The following CUL3 variants were observed in gnomAD, a reference collection of about 807,000 sequenced individuals.
The protein encoded by CUL3 is cullin 3.
A neutral mutation model predicts 89.1 loss-of-function variants in CUL3; 19 were observed. The observed-to-expected ratio is 0.21, with a 90% CI of 0.15 to 0.31. CUL3 has a LOEUF of 0.31. Among genes scored for constraint, CUL3 ranks in the 10% least tolerant of loss-of-function variants. The probability of loss-of-function intolerance (pLI) is 1.00; values close to 1 mark genes in which losing one functional copy is unlikely to be tolerated. For missense variants in CUL3, 469 were observed against 942.3 expected, an observed-to-expected ratio of 0.50 and a Z score of 6.58; for synonymous variants, 351 against 308.4, an observed-to-expected ratio of 1.14 and a Z score of -1.45.
rs544531630 is a variant in CUL3 at position 224,473,899 on chromosome 2, C to T, written c.*346G>A. 8.8e-6 allele frequency: 2 copies of T among 227,946 alleles called. No individual in the cohort carries two copies. The highest frequency in any genetic ancestry group is 1.7e-5 in the Non-Finnish European group (2 of 114,640). 14.1% of individuals were successfully genotyped at this position (227,946 alleles called of 1,614,324 possible). A position where few individuals can be genotyped will look rare whatever the true frequency, so the allele number is the denominator to read the frequency against. On this transcript the variant is annotated 3_prime_UTR_variant, in exon 16 of 16. Transcript: ENST00000264414. ...AACACATTTACATCAACACTGAAGACCTGGGGAAATGAAATCCAACAATTT... is the reference window on the plus strand; with the variant it reads ...AACACATTTACATCAACACTGAAGATCTGGGGAAATGAAATCCAACAATTT...
At chr2:224,503,322 G>A (rs190379551) in intron 9 of CUL3, among the ~76,000 whole-genome samples, 2 of 152,276 alleles carry the variant, frequency 1.3e-5, no homozygotes, top group African/African-American at 4.8e-5. Flanking sequence ...TAGCATCTCA[G>A]GTGATTCACG....
chr2:224,471,627 C>G lies in CUL3; in HGVS notation c.*2618G>C. 1 of 211,004 alleles carries G rather than the reference C, an allele frequency of 4.7e-6. No homozygotes were observed. The highest frequency in any genetic ancestry group is 9.6e-6 in the Non-Finnish European group (1 of 104,008). The allele number at this position is 211,004 out of a possible 1,614,324, so 13.1% of individuals were successfully genotyped here. On this transcript the variant is annotated 3_prime_UTR_variant, in exon 16 of 16. Transcript: ENST00000264414. ...TCTAGCATACCTTTAGAAAGGCATG[C>G]ATCTCTTCCCCCATTCCCTTTTTAA... is the stretch of plus-strand genomic sequence containing the variant.
At chr2:224,580,746 T>G (rs1005782718) in intron 1 of CUL3, among the ~76,000 whole-genome samples, 1 of 152,220 alleles carries the variant, frequency 6.6e-6, no homozygotes, top group South Asian at 2.1e-4. Context: ...GATGGGAATT[T>G]ATCTGGAGTA....
intron 1 of CUL3, among the ~76,000 whole-genome samples, chr2:224,574,298 T>G (rs977142644): frequency 6.6e-6 from 1 of 152,168 alleles, no homozygotes; most frequent in South Asian, 2.1e-4. Flanking sequence ...AAGTTTTGCT[T>G]AGTTACATTT....
intron 6 of CUL3, among the ~76,000 whole-genome samples, chr2:224,509,878 G>T (rs1448803491): frequency 6.6e-6 from 1 of 152,238 alleles, no homozygotes; most frequent in African/African-American, 2.4e-5. Flanking sequence ...AGACCACTTA[G>T]AGAAGGGTCA....
chr2:224,563,287 A>G (rs1409612809), intron 1 of CUL3: 3 of 471,018 alleles, frequency 6.4e-6, no homozygotes, highest in Admixed American at 2.3e-5. Flanking sequence ...TTTCACCCTG[A>G]GAACTCTGTC....
intron 11 of CUL3, chr2:224,499,483 T>C: frequency 4.2e-6 from 1 of 238,790 alleles, no homozygotes; most frequent in Non-Finnish European, 9.4e-6. Flanking sequence ...TCCCAGTTGT[T>C]TTTTCAGATC....
intron 2 of CUL3, among the ~76,000 whole-genome samples, chr2:224,544,397 G>A (rs1464870928): frequency 6.6e-6 from 1 of 152,034 alleles, no homozygotes; most frequent in Non-Finnish European, 1.5e-5. Context: ...CATTTACTAT[G>A]ACCTACAAAA....
At chr2:224,528,949 T>C (rs150930103) in intron 3 of CUL3, among the ~76,000 whole-genome samples, 5 of 152,262 alleles carry the variant, frequency 3.3e-5, no homozygotes, top group Non-Finnish European at 7.4e-5. Flanking sequence ...AAAAATACCT[T>C]TGAAATTCTC....
At chr2:224,478,105 A>T (rs2106141762) in intron 15 of CUL3, 95 bp downstream of exon 15, 6 of 1,291,640 alleles carry the variant, frequency 4.6e-6, no homozygotes, top group Non-Finnish European at 6.3e-6. Flanking sequence ...GGATTTCTTA[A>T]TTGTAAAATT....
chr2:224,522,793 A>C (rs1370239191), intron 3 of CUL3, among the ~76,000 whole-genome samples: 1 of 147,782 alleles, frequency 6.8e-6, no homozygotes, highest in Non-Finnish European at 1.5e-5. Context: ...CTGCCACTGC[A>C]CTCCAGCCTG....
intron 13 of CUL3, among the ~76,000 whole-genome samples, chr2:224,487,561 T>C (rs1332639584): frequency 1.3e-5 from 2 of 150,074 alleles, no homozygotes; most frequent in Non-Finnish European, 3.0e-5. Flanking sequence ...CTAACTATCC[T>C]AAATATATAT....
chr2:224,561,548 G>C (rs1559227124), intron 1 of CUL3, among the ~76,000 whole-genome samples: 1 of 152,112 alleles, frequency 6.6e-6, no homozygotes, highest in Non-Finnish European at 1.5e-5. Flanking sequence ...TTGTTATTCT[G>C]ATCTTTTCTG....
intron 10 of CUL3, 122 bp from the exon 11 acceptor site, chr2:224,500,609 A>T (rs1692346099): frequency 4.0e-5 from 37 of 934,694 alleles, no homozygotes; most frequent in Non-Finnish European, 5.4e-5. Flanking sequence ...TAATTTAAAA[A>T]AAAGCAGATT....
At chr2:224,558,799 A>G (rs1323370016) in intron 1 of CUL3, among the ~76,000 whole-genome samples, 1 of 152,020 alleles carries the variant, frequency 6.6e-6, no homozygotes, top group Non-Finnish European at 1.5e-5. Context: ...TCCCAGCACT[A>G]TGGGAGGCCG....
intron 1 of CUL3, among the ~76,000 whole-genome samples, chr2:224,572,418 G>A (rs1695201059): frequency 6.6e-6 from 1 of 151,536 alleles, no homozygotes; most frequent in African/African-American, 2.4e-5. Context: ...GCCAAAGTGT[G>A]TGGATCATTT....
At chr2:224,475,563 A>G (rs1200976179) in intron 15 of CUL3, among the ~76,000 whole-genome samples, 1 of 152,204 alleles carries the variant, frequency 6.6e-6, no homozygotes, top group Non-Finnish European at 1.5e-5. Flanking sequence ...TGGAATCTGA[A>G]AATTCAGCAC....
rs1405456089 is a variant in CUL3, at chr2:224,569,777, T to G, written c.67-11921A>C. Reference sequence around the variant, plus strand: ...AAAGAAGTGAATTCTTAACATCTACTACATACAAAGGACAAGAAGTCTTTA... The same window carrying G: ...AAAGAAGTGAATTCTTAACATCTACGACATACAAAGGACAAGAAGTCTTTA... On this transcript the variant is annotated intron_variant, in intron 1 of 15. Coordinates refer to ENST00000264414, the MANE Select transcript of CUL3 (RefSeq NM_003590.5). The G allele has an allele frequency of 7.6e-6, 9 of 1,182,540 alleles. No homozygotes were observed. The Admixed American group carries it at 3.0e-4, about 39-fold the overall frequency. 73.3% of individuals were successfully genotyped at this position (1,182,540 alleles called of 1,614,324 possible).
In CUL3 at chr2:224,472,032, G is replaced by A. The variant is rs1691148715; in HGVS notation, c.*2213C>T. The A allele has an allele frequency of 8.7e-6, 2 of 230,938 alleles. No individual in the cohort carries two copies. The highest frequency in any genetic ancestry group is 4.4e-5 in the African/African-American group (2 of 45,226). 14.3% of individuals were successfully genotyped at this position (230,938 alleles called of 1,614,324 possible). A position where few individuals can be genotyped will look rare whatever the true frequency, so the allele number is the denominator to read the frequency against. ...AAATGTATTTTGTTATAACCTTTAT[G>A]ACCTAAAATAATACTTATGCAGTCA... On this transcript the variant is annotated 3_prime_UTR_variant, in exon 16 of 16. Transcript: ENST00000264414.
Sources: gnomAD v4.1 joint callset for allele counts (sites outside exome capture counted in the v4.1 genomes callset) on GRCh38, gnomAD v4.1.1 for gene constraint, MANE v1.5 for transcripts, NCBI Gene and HGNC (gene_info 2026-07-23, HGNC 2026-07-21) for gene names.